DST: variants seen among roughly 807,000 people sequenced by gnomAD.
DST encodes bullous pemphigoid antigen.
In DST, 253 loss-of-function variants were observed where a neutral mutation model predicts 875.2. That is an observed-to-expected ratio of 0.29 (90% CI 0.26 to 0.32). DST has a LOEUF of 0.32. DST is among the 10% of genes least tolerant of loss of function. DST has a pLI of 1.00. For missense variants in DST, 8,287 were observed against 9,111.6 expected (o/e 0.91, Z 3.68); for synonymous variants, 3,124 against 3,197.1 (o/e 0.98, Z 0.77).
chr6:56,535,677 T>C (rs1315876967), intron 62 of DST, among the ~76,000 whole-genome samples: 2 of 152,250 alleles, frequency 1.3e-5, no homozygotes, highest in Admixed American at 1.3e-4. Context: ...GATAATGATT[T>C]TTAAAAGATT....
At chr6:56,569,803 A>G (rs1220721586) in intron 54 of DST, 53 bp downstream of exon 54, 7 of 1,498,500 alleles carry the variant, frequency 4.7e-6, no homozygotes, top group African/African-American at 2.8e-5. Context: ...TAGTCTTTTA[A>G]TCTTTCATTA....
At chr6:56,900,659 T>C in intron 2 of DST, 38 bp from the exon 3 acceptor site, 1 of 1,348,870 alleles carries the variant, frequency 7.4e-7, no homozygotes, top group South Asian at 1.2e-5. Context: ...TCCAGATTTG[T>C]ATTGAGTTAG....
Position 56,608,388 on chromosome 6 carries a change from T to C in DST, c.6240A>G (p.Ile2080Met), listed in dbSNP as rs1466730956. Residue 2080 changes from isoleucine (I) to methionine (M), a missense_variant, in exon 40 of 104, where the codon ATA becomes ATG. By Grantham distance (10) the Ile-to-Met change is conservative. Transcript: ENST00000680361. ...GCTGCAAGGAAGATGATGTGGGAAA[T>C]ATTTCACCAGAATGGGGCCAAATGA... ...VGLIWPHSGE[I>M]FPTSSSLQQE... 6.2e-7 allele frequency: 1 copy of C among 1,613,242 alleles called. No homozygotes were observed. Among genetic ancestry groups the C allele is most frequent in the Admixed American group, 1.7e-5 (1 of 59,982 alleles).
intron 2 of DST, among the ~76,000 whole-genome samples, chr6:56,908,330 G>A (rs560172790): frequency 1.3e-5 from 2 of 152,098 alleles, no homozygotes; most frequent in Non-Finnish European, 2.9e-5. Context: ...GAGAGATGAA[G>A]AGGGCAGTCA....
intron 4 of DST, among the ~76,000 whole-genome samples, chr6:56,752,948 C>A (rs1013165751): frequency 6.6e-6 from 1 of 152,056 alleles, no homozygotes; most frequent in Non-Finnish European, 1.5e-5. Flanking sequence ...TGCACCACCA[C>A]ACCTGGCTAA....
intron 85 of DST, 128 bp from the exon 86 acceptor site, chr6:56,489,737 G>A: frequency 1.1e-6 from 1 of 919,198 alleles, no homozygotes; most frequent in South Asian, 2.9e-5. Context: ...AATTTCCACT[G>A]AAGAAGAAAA....
chr6:56,555,796 C>T lies in DST; in HGVS notation c.14685G>A (p.Gln4895=), dbSNP rs772802776. 1 of 1,552,892 alleles carries T rather than the reference C, an allele frequency of 6.4e-7. No individual in the cohort carries two copies. Among genetic ancestry groups the T allele is most frequent in the South Asian group, 1.2e-5 (1 of 80,554 alleles). The stretch of plus-strand genomic sequence containing the variant: ...GAATGCCCTGACCAGCTGCTGTCAG[C>T]TGTTCATATTGAGGTTTCCGAGTGG... The part of the protein sequence containing the change: ...EFATRKPQYE[Q]LTAAGQGILS... The change falls in exon 60 of 104, where the codon CAG becomes CAA. Residue 4895 remains glutamine (Q), a synonymous_variant. Coordinates refer to ENST00000680361, the MANE Select transcript of DST (RefSeq NM_001374736.1).
rs879237914 is a variant in DST, at chr6:56,560,431, G to T, written c.14311-8C>A. On this transcript the variant is annotated splice_polypyrimidine_tract_variant and splice_region_variant and intron_variant, in intron 57 of 103. Transcript: ENST00000680361. The stretch of plus-strand genomic sequence containing the variant: ...CAGTTCTGCCTCAAACGACTAACAA[G>T]GGAAAAATAATAATAAATCATGTGT... The T allele has an allele frequency of 6.3e-7, 1 of 1,581,514 alleles. No individual in the cohort carries two copies. Among genetic ancestry groups the T allele is most frequent in the South Asian group, 1.2e-5 (1 of 86,820 alleles).
At chr6:56,579,034 G>C in intron 49 of DST, 97 bp from the exon 50 acceptor site, 1 of 1,138,054 alleles carries the variant, frequency 8.8e-7, no homozygotes, top group South Asian at 1.9e-5. Context: ...AGTAAAATTG[G>C]ACAGAATAAA....
At position 56,482,674 on chromosome 6, in the gene DST, G is replaced by A; in HGVS notation, c.21402+9C>T. ...CATTACACCCAGCTCTCATTTACAT[G>A]GTTTTTACCTGACGCAGGGCTGCTT... On this transcript the variant is annotated intron_variant, in intron 89 of 103. Coordinates refer to ENST00000680361, the MANE Select transcript of DST (RefSeq NM_001374736.1). 6.2e-7 allele frequency: 1 copy of A among 1,606,972 alleles called. No individual in the cohort carries two copies. The highest frequency in any genetic ancestry group is 8.5e-7 in the Non-Finnish European group (1 of 1,175,946).
At chr6:56,496,873 A>G (rs2095928504) in intron 82 of DST, among the ~76,000 whole-genome samples, 1 of 152,150 alleles carries the variant, frequency 6.6e-6, no homozygotes, top group African/African-American at 2.4e-5. Flanking sequence ...AGGGACATGG[A>G]TGAAATTGGA....
intron 99 of DST, among the ~76,000 whole-genome samples, chr6:56,465,083 GTT>G (rs1371366360): frequency 2.6e-5 from 4 of 152,166 alleles, no homozygotes; most frequent in African/African-American, 9.7e-5. Flanking sequence ...TTTTGTTCTT[GTT>G]TTACTTCTCT....
rs763733205 is a variant in DST, at chr6:56,477,357, C to T, written c.21663G>A (p.Ala7221=). The change falls in exon 91 of 104, where the codon GCG becomes GCA. Residue 7221 remains alanine, a synonymous_variant. Transcript: ENST00000680361. ...GAGACACACTGACCTCCTCAAACCT[C>T]GCCCGGATGATTGTTATCCAGTGCT... ...TIKHWITIIR[A]RFEEVLAWAK... is the part of the protein sequence containing the mutation. 72 of 1,613,744 alleles carry T rather than the reference C, an allele frequency of 4.5e-5. No individual in the cohort carries two copies. The highest frequency in any genetic ancestry group is 5.4e-5 in the Non-Finnish European group (64 of 1,179,820).
At chr6:56,751,939 T>C (rs550171778) in intron 4 of DST, among the ~76,000 whole-genome samples, 3 of 152,142 alleles carry the variant, frequency 2.0e-5, no homozygotes, top group Non-Finnish European at 4.4e-5. Flanking sequence ...TTACTAAAAA[T>C]GTAGAAACTC....
At chr6:56,723,141 G>C (rs1038200408) in intron 5 of DST, among the ~76,000 whole-genome samples, 1 of 152,220 alleles carries the variant, frequency 6.6e-6, no homozygotes, top group Non-Finnish European at 1.5e-5. Flanking sequence ...ATTCTGGGGG[G>C]CTGGCCCAAG....
intron 4 of DST, among the ~76,000 whole-genome samples, chr6:56,815,392 T>C (rs759214786): frequency 3.3e-5 from 5 of 152,230 alleles, no homozygotes; most frequent in Non-Finnish European, 7.3e-5. Context: ...ATAACCACTT[T>C]ATTTTTATAG....
At chr6:56,853,639 C>A (rs1246208425) in intron 3 of DST, among the ~76,000 whole-genome samples, 4 of 152,128 alleles carry the variant, frequency 2.6e-5, no homozygotes, top group African/African-American at 4.8e-5. Context: ...TAAAGAACTG[C>A]TCCTTTCCAA....
chr6:56,767,153 C>T (rs983035960), intron 4 of DST, among the ~76,000 whole-genome samples: 2 of 152,192 alleles, frequency 1.3e-5, no homozygotes, highest in Non-Finnish European at 2.9e-5. Context: ...TTGCACACAG[C>T]TAATGCTCTA....
chr6:56,590,474 C>T (rs559567338), intron 49 of DST, among the ~76,000 whole-genome samples: 48 of 152,218 alleles, frequency 3.2e-4, no homozygotes, highest in African/African-American at 7.0e-4. Context: ...TTAAATGATA[C>T]GTATTTCCTA....
Sources: gnomAD v4.1 joint callset for allele counts (sites outside exome capture counted in the v4.1 genomes callset) on GRCh38, gnomAD v4.1.1 for gene constraint, MANE v1.5 for transcripts, NCBI Gene and HGNC (gene_info 2026-07-23, HGNC 2026-07-21) for gene names.